Variants in ZFHX3 observed in about 807,000 individuals in gnomAD.
ZFHX3 encodes the protein zinc finger homeobox 3.
In ZFHX3, 42 loss-of-function variants were observed where a neutral mutation model predicts 279.1. That is an observed-to-expected ratio of 0.15 (90% CI 0.12 to 0.19). ZFHX3 has a LOEUF of 0.19. ZFHX3 is among the 10% of genes least tolerant of loss of function. The probability of loss-of-function intolerance (pLI) is 1.00; values close to 1 mark genes in which losing one functional copy is unlikely to be tolerated. For synonymous variants in ZFHX3, 2,293 were observed against 1,957.8 expected, an observed-to-expected ratio of 1.17 and a Z score of -4.52; for missense variants, 4,981 against 4,754.0, an observed-to-expected ratio of 1.05 and a Z score of -1.40.
In ZFHX3 at chr16:73,174,094, A is replaced by G. The variant is rs1391431606; in HGVS notation, c.-1103-30263T>C. Among the ~76,000 whole-genome samples the G allele has an allele frequency of 1.3e-5, 2 of 152,144 alleles. 1 individual carries two copies. Among genetic ancestry groups the G allele is most frequent in the Middle Eastern group, 6.3e-3 (2 of 316 alleles). The stretch of plus-strand genomic sequence containing the variant: ...AGAGTTAATGACCGGCTTGAGGTTC[A>G]CTGGACGTGTTTCCCCCAGGCGAGC... On this transcript the variant is annotated intron_variant, in intron 5 of 17. Coordinates refer to the ZFHX3 transcript ENST00000641206.
chr16:73,817,304 A>G (rs143045032), intron 1 of ZFHX3, among the ~76,000 whole-genome samples: 71 of 152,290 alleles, frequency 4.7e-4, no homozygotes, highest in Middle Eastern at 3.4e-3. Flanking sequence ...CTTCTAATCA[A>G]TGTAATTCAT....
At chr16:73,306,735 C>T (rs754009) in intron 4 of ZFHX3, among the ~76,000 whole-genome samples, 118,679 of 152,154 alleles carry the variant, frequency 0.78, 46,631 homozygotes, top group African/African-American at 0.85. Context: ...CAATTTACCT[C>T]TGGGCCCAGC....
chr16:72,787,722 G>A lies in ZFHX3; in HGVS notation c.10554C>T (p.Gly3518=), dbSNP rs566462936. Residue 3518 remains glycine (G), a synonymous_variant, in exon 10 of 10, where the codon GGC becomes GGT. Transcript: ENST00000268489. The stretch of plus-strand genomic sequence containing the variant: ...CGCCGCCGCCGCCGCCGCCGCCACC[G>A]CCGCCGCCGCCGCCACTGCCACCGC... ...GGGGGSGGGG[G]GGGGGGGGGS... The A allele has an allele frequency of 3.2e-4, 398 of 1,229,324 alleles. 6 individuals are homozygous for A. The Middle Eastern group carries it at 3.4e-3, about 10-fold the overall frequency. 76.2% of individuals were successfully genotyped at this position (1,229,324 alleles called of 1,614,324 possible).
At chr16:73,494,506 T>A (rs1467022114) in intron 2 of ZFHX3, among the ~76,000 whole-genome samples, 1 of 152,182 alleles carries the variant, frequency 6.6e-6, no homozygotes, top group Non-Finnish European at 1.5e-5. Context: ...ATCATTAGTA[T>A]TATAATCTTG....
intron 6 of ZFHX3, among the ~76,000 whole-genome samples, chr16:73,135,508 A>C (rs1163080171): frequency 6.6e-6 from 1 of 152,184 alleles, no homozygotes; most frequent in Non-Finnish European, 1.5e-5. Flanking sequence ...TATCCATTCC[A>C]AGCTTTCGAC....
intron 2 of ZFHX3, among the ~76,000 whole-genome samples, chr16:73,617,635 A>G (rs1400006128): frequency 6.6e-6 from 1 of 152,180 alleles, no homozygotes; most frequent in Non-Finnish European, 1.5e-5. Flanking sequence ...AAATACAGTC[A>G]TTTGAGCCAT....
intron 3 of ZFHX3, among the ~76,000 whole-genome samples, chr16:73,328,439 G>C (rs9935274): frequency 6.6e-6 from 1 of 152,078 alleles, no homozygotes; most frequent in Non-Finnish European, 1.5e-5. Flanking sequence ...AGTCTAAGAC[G>C]GGAGTTATAG....
At position 73,586,429 on chromosome 16, in the gene ZFHX3, A is replaced by C. The variant is rs540127159; in HGVS notation, c.-1547+93751T>G. ...ACAAACAAACAAACAAACAAACAAA[A>C]AAACATACAGAAAAGTTGGAGGTAA... On this transcript the variant is annotated intron_variant, in intron 2 of 17. Coordinates refer to the ZFHX3 transcript ENST00000641206. Among the ~76,000 whole-genome samples the C allele has an allele frequency of 1.9e-4, 28 of 148,540 alleles. No homozygotes were observed. The South Asian group carries it at 5.0e-3, about 26-fold the overall frequency.
At chr16:72,934,705 C>T (rs573024210) in intron 3 of ZFHX3, among the ~76,000 whole-genome samples, 2 of 152,090 alleles carry the variant, frequency 1.3e-5, no homozygotes, top group African/African-American at 4.8e-5. Context: ...ACGGCTCTTA[C>T]TGAATGATCA....
chr16:73,342,051 T>C (rs1475639938), intron 3 of ZFHX3, among the ~76,000 whole-genome samples: 1 of 152,188 alleles, frequency 6.6e-6, no homozygotes, highest in Non-Finnish European at 1.5e-5. Context: ...CACTGTAAAA[T>C]GGGTGAATTG....
chr16:73,777,534 C>T (rs1457445072), intron 1 of ZFHX3, among the ~76,000 whole-genome samples: 2 of 97,286 alleles, frequency 2.1e-5, no homozygotes, highest in Non-Finnish European at 4.5e-5. Context: ...AAAAAAAAAG[C>T]TTAGTTAAAT....
At chr16:73,002,101 T>A (rs1963516956) in intron 1 of ZFHX3, among the ~76,000 whole-genome samples, 2 of 152,036 alleles carry the variant, frequency 1.3e-5, no homozygotes, top group Admixed American at 1.3e-4. Context: ...GAGGAGAGAA[T>A]CCAGTCTAAC....
intron 1 of ZFHX3, among the ~76,000 whole-genome samples, chr16:73,019,379 T>C (rs1446967945): frequency 4.0e-5 from 6 of 150,190 alleles, no homozygotes; most frequent in Non-Finnish European, 7.5e-5. Flanking sequence ...CGTGTGCGTG[T>C]GCGTGTCTGC....
intron 4 of ZFHX3, among the ~76,000 whole-genome samples, chr16:73,304,376 T>C (rs2015130407): frequency 6.6e-6 from 1 of 152,192 alleles, no homozygotes; most frequent in Admixed American, 6.5e-5. Context: ...GCTGTTTCTA[T>C]CTGGGTGGAG....
chr16:73,797,274 G>C (rs1235061341), intron 1 of ZFHX3, among the ~76,000 whole-genome samples: 1 of 152,158 alleles, frequency 6.6e-6, no homozygotes, highest in African/African-American at 2.4e-5. Flanking sequence ...CAGTCCAGTT[G>C]TAGCATCCAA....
chr16:73,510,687 C>G (rs183343368), intron 2 of ZFHX3, among the ~76,000 whole-genome samples: 1 of 152,272 alleles, frequency 6.6e-6, no homozygotes, highest in East Asian at 1.9e-4. Flanking sequence ...GTGCAGTATC[C>G]AACCTGAGCA....
intron 1 of ZFHX3, among the ~76,000 whole-genome samples, chr16:73,733,947 G>T (rs1218370377): frequency 2.0e-5 from 3 of 152,018 alleles, no homozygotes; most frequent in Non-Finnish European, 4.4e-5. Context: ...CAATTTTTTG[G>T]CACCAGAGAC....
At chr16:73,040,809 T>C (rs1965083837) in intron 1 of ZFHX3, among the ~76,000 whole-genome samples, 1 of 152,192 alleles carries the variant, frequency 6.6e-6, no homozygotes, top group Admixed American at 6.5e-5. Flanking sequence ...GTATGTGAAG[T>C]GGTATGAAGC....
chr16:73,663,551 T>C (rs905695996), intron 2 of ZFHX3, among the ~76,000 whole-genome samples: 1 of 152,142 alleles, frequency 6.6e-6, no homozygotes, highest in Non-Finnish European at 1.5e-5. Context: ...GAATAAAAAA[T>C]AGAAGTCCTA....
Sources: gnomAD v4.1 joint callset for allele counts (sites outside exome capture counted in the v4.1 genomes callset) on GRCh38, gnomAD v4.1.1 for gene constraint, MANE v1.5 for transcripts, NCBI Gene and HGNC (gene_info 2026-07-23, HGNC 2026-07-21) for gene names.